Variants in PALM2AKAP2 observed in about 807,000 individuals in gnomAD.
PALM2AKAP2 encodes PALM2-AKAP2 fusion protein.
A neutral mutation model predicts 71.5 loss-of-function variants in PALM2AKAP2; 37 were observed. The observed-to-expected ratio is 0.52, with a 90% confidence interval of 0.40 to 0.68. The LOEUF (loss-of-function observed/expected upper bound fraction) is 0.68. Among genes scored for constraint, PALM2AKAP2 ranks in the 30% least tolerant of loss-of-function variants. The probability of loss-of-function intolerance (pLI) is 0.00; values close to 1 mark genes in which losing one functional copy is unlikely to be tolerated. For missense variants in PALM2AKAP2, 1,224 were observed against 1,191.8 expected, an observed-to-expected ratio of 1.03 and a Z score of -0.40; for synonymous variants, 468 against 478.8, an observed-to-expected ratio of 0.98 and a Z score of 0.29.
intron 1 of PALM2AKAP2, among the ~76,000 whole-genome samples, chr9:109,842,051 A>G: frequency 1.3e-5 from 2 of 151,914 alleles, no homozygotes. Context: ...TCTAAACCCC[A>G]CTTGAAAACC....
intron 7 of PALM2AKAP2, among the ~76,000 whole-genome samples, chr9:110,038,366 A>G (rs1833450982): frequency 6.6e-6 from 1 of 151,978 alleles, no homozygotes; most frequent in Non-Finnish European, 1.5e-5. Context: ...ACAAAAAACA[A>G]AAAGGTCAGA....
chr9:109,953,538 T>G (rs1831682626), intron 6 of PALM2AKAP2, among the ~76,000 whole-genome samples: 1 of 152,042 alleles, frequency 6.6e-6, no homozygotes, highest in Non-Finnish European at 1.5e-5. Flanking sequence ...GAAAGTGGTG[T>G]GGAGGCCGGG....
chr9:110,035,573 T>TTG (rs1195901555), intron 7 of PALM2AKAP2, among the ~76,000 whole-genome samples: 9 of 138,544 alleles, frequency 6.5e-5, no homozygotes, highest in Admixed American at 2.9e-4. Flanking sequence ...ATAGGATATG[T>TTG]TGTGTTATAT....
chr9:109,963,976 G>C (rs1032442304), intron 6 of PALM2AKAP2, among the ~76,000 whole-genome samples: 2 of 152,202 alleles, frequency 1.3e-5, no homozygotes, highest in African/African-American at 4.8e-5. Context: ...ACAGGCCACA[G>C]AATCTCGCTC....
At chr9:110,144,179 A>T (rs532717055) in intron 2 of PALM2AKAP2, among the ~76,000 whole-genome samples, 2 of 152,224 alleles carry the variant, frequency 1.3e-5, no homozygotes, top group Non-Finnish European at 2.9e-5. Flanking sequence ...CCATGGGGGA[A>T]GTCCCTGTGT....
rs557058161 is a variant in PALM2AKAP2, at chr9:109,741,993, A to G, written c.6-38495A>G. Among the ~76,000 whole-genome samples, 49 of 152,256 alleles carry G rather than the reference A, an allele frequency of 3.2e-4. No individual in the cohort carries two copies. The East Asian group carries it at 6.2e-3, about 19-fold the overall frequency. Reference sequence around the variant, plus strand: ...GGTCTACTTTGCATATTAGATGTTTATTGCACTTTTAATACACATGTGCAT... The same window carrying G: ...GGTCTACTTTGCATATTAGATGTTTGTTGCACTTTTAATACACATGTGCAT... On this transcript the variant is annotated intron_variant, in intron 1 of 6. Coordinates refer to the PALM2AKAP2 transcript ENST00000374531.
intron 3 of PALM2AKAP2, among the ~76,000 whole-genome samples, chr9:109,915,026 C>A (rs1237804678): frequency 1.3e-5 from 2 of 152,172 alleles, no homozygotes; most frequent in Non-Finnish European, 1.5e-5. Flanking sequence ...ACTGCTGGAC[C>A]TCTTTGTATC....
intron 1 of PALM2AKAP2, among the ~76,000 whole-genome samples, chr9:109,832,970 C>A (rs1397784893): frequency 1.3e-5 from 2 of 152,206 alleles, no homozygotes; most frequent in African/African-American, 4.8e-5. Flanking sequence ...CACCTTCTGT[C>A]CTCAAGACAG....
intron 6 of PALM2AKAP2, among the ~76,000 whole-genome samples, chr9:110,006,324 CTCTT>C (rs201648047): frequency 0.049 from 4,973 of 102,094 alleles, 129 homozygotes; most frequent in South Asian, 0.06. Context: ...TTCCTTCCTT[CTCTT>C]TCTTTCTTTC....
At chr9:109,801,185 T>C (rs544251206) in intron 1 of PALM2AKAP2, among the ~76,000 whole-genome samples, 6 of 152,232 alleles carry the variant, frequency 3.9e-5, no homozygotes, top group Admixed American at 3.3e-4. Flanking sequence ...TATAGCACCA[T>C]GTGGGGCTGT....
At position 109,859,131 on chromosome 9, in the gene PALM2AKAP2, TA is replaced by T. The variant is rs530435568; in HGVS notation, c.46-8359del. On this transcript the variant is annotated intron_variant, in intron 1 of 9. Transcript: ENST00000302798. ...TTTCTTAAGGTTTTGGGTGTTAAAT[TA>T]CCCCTTCTAAAATCCAGTATTGAGG... Among the ~76,000 whole-genome samples the T allele has an allele frequency of 1.6e-4, 24 of 152,348 alleles. No homozygotes were observed. In the South Asian group the frequency reaches 5.0e-3, roughly 32 times the overall value.
chr9:109,868,329 A>G (rs1161263146), intron 2 of PALM2AKAP2, among the ~76,000 whole-genome samples: 1 of 152,212 alleles, frequency 6.6e-6, no homozygotes, highest in East Asian at 1.9e-4. Context: ...GTTGCTTTTC[A>G]CATGTTCAGA....
chr9:109,793,187 G>T (rs1229972100), intron 1 of PALM2AKAP2, among the ~76,000 whole-genome samples: 2 of 152,156 alleles, frequency 1.3e-5, no homozygotes, highest in Non-Finnish European at 2.9e-5. Context: ...GTGACCAACT[G>T]GTTTTATCCT....
rs779669368 is a variant in PALM2AKAP2, at chr9:109,992,954, T to TATAGAG, written c.497-22999_497-22998insTAGAGA. Among the ~76,000 whole-genome samples the TATAGAG allele has an allele frequency of 1.0e-3, 149 of 142,718 alleles. 1 individual carries two copies. Among genetic ancestry groups the TATAGAG allele is most frequent in the African/African-American group, 3.4e-3 (130 of 38,434 alleles). The allele number at this position is 142,718 out of a possible 152,430, so 93.6% of individuals were successfully genotyped here. On this transcript the variant is annotated intron_variant, in intron 6 of 9. Transcript: ENST00000302798. ...TCATATATATGTATATATATATATA[T>TATAGAG]AGAGAGAGAGAGAGAGAGAGAGAGC...
chr9:109,649,292 T>C lies in PALM2AKAP2; in HGVS notation c.5+8426T>C, dbSNP rs140089453. On this transcript the variant is annotated intron_variant, in intron 1 of 6. Transcript: ENST00000374531. ...CTGTTATCTACCACAGGGACATCTATTACCCATTGCTCTCCATAACTATTA... is the reference window on the plus strand; with the variant it reads ...CTGTTATCTACCACAGGGACATCTACTACCCATTGCTCTCCATAACTATTA... Among the ~76,000 whole-genome samples the C allele has an allele frequency of 5.7e-3, 867 of 152,284 alleles. 9 individuals carry two copies. The highest frequency in any genetic ancestry group is 0.02 in the African/African-American group (845 of 41,564).
chr9:110,152,885 A>G (rs1348967234), intron 2 of PALM2AKAP2, among the ~76,000 whole-genome samples: 1 of 152,168 alleles, frequency 6.6e-6, no homozygotes. Context: ...TGGCTGAGCT[A>G]GCTTCCCTTG....
chr9:110,135,164 A>AAAAATATATAT lies in PALM2AKAP2; in HGVS notation c.157-962_157-961insAAATATATATA. On this transcript the variant is annotated intron_variant, in intron 1 of 3. Transcript: ENST00000374525. ...AACTCTGTCTCTACAAAAAAAAAAA[A>AAAAATATATAT]ATATATAAATATATATATATATATA... Among the ~76,000 whole-genome samples, 41 of 51,728 alleles carry AAAAATATATAT rather than the reference A, an allele frequency of 7.9e-4. 3 individuals are homozygous for AAAAATATATAT. Among genetic ancestry groups the AAAAATATATAT allele is most frequent in the African/African-American group, 2.7e-3 (37 of 13,628 alleles). The allele number at this position is 51,728 out of a possible 152,430, so 33.9% of individuals were successfully genotyped here. A position where few individuals can be genotyped will look rare whatever the true frequency, so the allele number is the denominator to read the frequency against.
At chr9:109,669,569 G>T (rs1259173098) in intron 1 of PALM2AKAP2, among the ~76,000 whole-genome samples, 2 of 151,820 alleles carry the variant, frequency 1.3e-5, no homozygotes, top group African/African-American at 4.8e-5. Flanking sequence ...GAAATGATCT[G>T]GATTGAATTT....
chr9:110,168,657 C>A lies in PALM2AKAP2; in HGVS notation c.*160C>A, dbSNP rs57519731. The A allele has an allele frequency of 4.4e-6, 4 of 900,732 alleles. No homozygotes were observed. The Admixed American group carries it at 1.4e-4, about 31-fold the overall frequency. 55.8% of individuals were successfully genotyped at this position (900,732 alleles called of 1,614,324 possible). On this transcript the variant is annotated 3_prime_UTR_variant, in exon 4 of 4. Transcript: ENST00000374525. The stretch of plus-strand genomic sequence containing the variant: ...GCAATATACAATGATGAAAATGAAA[C>A]GAAAAGGAAGTCCCCCCATCAGACT...
Sources: allele counts gnomAD v4.1 joint callset (sites outside exome capture counted in the v4.1 genomes callset), GRCh38; gene constraint gnomAD v4.1.1; transcripts MANE v1.5; gene names NCBI Gene and HGNC (gene_info 2026-07-23, HGNC 2026-07-21).